BABAM2: variants seen among roughly 807,000 people sequenced by gnomAD.
The protein encoded by BABAM2 is BRISC and BRCA1 A complex member 2.
BABAM2 carries 31 observed loss-of-function variants against 54.7 expected under a neutral mutation model. That is an observed-to-expected ratio of 0.57 (90% CI 0.43 to 0.77). BABAM2 has a LOEUF of 0.77. BABAM2 is among the 30% of genes least tolerant of loss of function. BABAM2 has a pLI of 0.00. For missense variants in BABAM2, 364 were observed against 455.8 expected, an observed-to-expected ratio of 0.80 and a Z score of 1.83; for synonymous variants, 167 against 162.9, an observed-to-expected ratio of 1.03 and a Z score of -0.19.
intron 2 of BABAM2, among the ~76,000 whole-genome samples, chr2:27,926,092 T>C (rs1366291735): frequency 6.7e-6 from 1 of 148,902 alleles, no homozygotes; most frequent in Non-Finnish European, 1.5e-5. Flanking sequence ...TCTCTTGTGG[T>C]CTTTTTTTTT....
rs200937399 is a variant in BABAM2, at chr2:28,263,185, GATT to G, written c.934+18334_934+18336del. Reference sequence around the variant, plus strand: ...GGAAGGAGAGGAGGAGAGGGGAGGGGATTATTATTATTAATAATAATACCATTG... The same window carrying G: ...GGAAGGAGAGGAGGAGAGGGGAGGGGATTATTATTAATAATAATACCATTG... On this transcript the variant is annotated intron_variant, in intron 10 of 11. Coordinates refer to ENST00000379624, the MANE Select transcript of BABAM2 (RefSeq NM_199191.3). 5.7e-3 allele frequency among the ~76,000 whole-genome samples: 852 copies of G among 150,288 alleles called. 15 individuals carry two copies. Among genetic ancestry groups the G allele is most frequent in the African/African-American group, 0.02 (806 of 40,868 alleles).
At chr2:28,120,777 G>A (rs998430292) in intron 6 of BABAM2, among the ~76,000 whole-genome samples, 2 of 152,168 alleles carry the variant, frequency 1.3e-5, no homozygotes, top group African/African-American at 2.4e-5. Context: ...GCAACATGGG[G>A]AAAACTACCG....
chr2:28,201,724 A>C (rs1558431599), intron 7 of BABAM2, among the ~76,000 whole-genome samples: 1 of 152,218 alleles, frequency 6.6e-6, no homozygotes, highest in Non-Finnish European at 1.5e-5. Flanking sequence ...TCGTAGCCTC[A>C]ACTAATCCTC....
chr2:28,301,061 A>G (rs1353528771), intron 11 of BABAM2, among the ~76,000 whole-genome samples: 1 of 152,198 alleles, frequency 6.6e-6, no homozygotes, highest in Non-Finnish European at 1.5e-5. Context: ...AAGACAAAGG[A>G]TGGAAAGAGA....
chr2:28,232,353 G>C (rs1681489811), intron 7 of BABAM2, among the ~76,000 whole-genome samples: 1 of 152,186 alleles, frequency 6.6e-6, no homozygotes, highest in Admixed American at 6.5e-5. Flanking sequence ...CAAGCTTTCA[G>C]ACAGGCTGAC....
intron 10 of BABAM2, among the ~76,000 whole-genome samples, chr2:28,262,737 A>G (rs1013232882): frequency 5.9e-5 from 9 of 152,194 alleles, no homozygotes; most frequent in Non-Finnish European, 1.2e-4. Context: ...GAACATTCAC[A>G]TAGAACAAAG....
intron 7 of BABAM2, among the ~76,000 whole-genome samples, chr2:28,158,576 T>C (rs1038707941): frequency 2.0e-5 from 3 of 152,244 alleles, no homozygotes; most frequent in East Asian, 3.8e-4. Flanking sequence ...TCTGTTAGGA[T>C]TGGCAATATC....
At chr2:28,190,031 G>A (rs1025350448) in intron 7 of BABAM2, among the ~76,000 whole-genome samples, 19 of 152,264 alleles carry the variant, frequency 1.2e-4, no homozygotes, top group African/African-American at 4.6e-4. Context: ...TGCCCAGGTA[G>A]TTCAATAGAG....
At chr2:28,320,630 T>C (rs948940563) in intron 11 of BABAM2, among the ~76,000 whole-genome samples, 1 of 152,234 alleles carries the variant, frequency 6.6e-6, no homozygotes, top group Non-Finnish European at 1.5e-5. Flanking sequence ...TGGCCAGGCA[T>C]AGGTTGGCAG....
At chr2:28,080,682 GA>G (rs1665086055) in intron 6 of BABAM2, among the ~76,000 whole-genome samples, 2 of 152,120 alleles carry the variant, frequency 1.3e-5, no homozygotes, top group Non-Finnish European at 2.9e-5. Context: ...ATTTGAAAGA[GA>G]AAAGAAAACT....
chr2:28,080,952 C>T (rs1665111851), intron 6 of BABAM2, among the ~76,000 whole-genome samples: 1 of 152,130 alleles, frequency 6.6e-6, no homozygotes, highest in African/African-American at 2.4e-5. Flanking sequence ...CATTAAGAAC[C>T]TTCGTCTGGA....
intron 7 of BABAM2, among the ~76,000 whole-genome samples, chr2:28,161,411 A>G (rs1232106647): frequency 1.3e-5 from 2 of 152,104 alleles, no homozygotes; most frequent in African/African-American, 4.8e-5. Flanking sequence ...TGGGAGCAAG[A>G]GTTGGGTTGG....
At chr2:27,909,754 G>C (rs541972990) in intron 2 of BABAM2, among the ~76,000 whole-genome samples, 1 of 152,096 alleles carries the variant, frequency 6.6e-6, no homozygotes, top group South Asian at 2.1e-4. Flanking sequence ...CAATGCACCT[G>C]CTTCTCCCAT....
intron 4 of BABAM2, chr2:27,996,393 G>T (rs1185403404): frequency 6.5e-6 from 1 of 154,838 alleles, no homozygotes; most frequent in Non-Finnish European, 1.5e-5. Context: ...TTTTACTTGG[G>T]AGATTGGAGT....
rs1491342790 is a variant in BABAM2, at chr2:28,026,978, A to ATT, written c.495+1558_495+1559insTT. ...TATATAAATATATATATAAATATAT[A>ATT]AATATATATAAAAATATATAAATAT... On this transcript the variant is annotated intron_variant, in intron 5 of 11. Transcript: ENST00000379624. Among the ~76,000 whole-genome samples, 216 of 105,454 alleles carry ATT rather than the reference A, an allele frequency of 2.0e-3. 1 individual carries two copies. The highest frequency in any genetic ancestry group is 4.3e-3 in the South Asian group (16 of 3,694). The allele number at this position is 105,454 out of a possible 152,430, so 69.2% of individuals were successfully genotyped here.
chr2:28,301,800 A>C (rs1463298848), intron 11 of BABAM2, among the ~76,000 whole-genome samples: 3 of 152,144 alleles, frequency 2.0e-5, no homozygotes, highest in African/African-American at 7.2e-5. Flanking sequence ...TCACATCTTC[A>C]TATATATTTT....
At chr2:28,176,854 AAAAGAAG>A (rs1242273235) in intron 7 of BABAM2, among the ~76,000 whole-genome samples, 7 of 146,660 alleles carry the variant, frequency 4.8e-5, no homozygotes, top group Non-Finnish European at 1.1e-4. Flanking sequence ...AAAAAAAAAA[AAAAGAAG>A]AAGGAGAAGA....
At chr2:28,040,517 G>T (rs933373453) in intron 5 of BABAM2, among the ~76,000 whole-genome samples, 9 of 151,478 alleles carry the variant, frequency 5.9e-5, no homozygotes, top group Non-Finnish European at 2.9e-5. Context: ...AGCCGGGATG[G>T]TCTCGATCTC....
At chr2:28,068,627 A>G (rs1663840848) in intron 6 of BABAM2, among the ~76,000 whole-genome samples, 1 of 152,230 alleles carries the variant, frequency 6.6e-6, no homozygotes, top group South Asian at 2.1e-4. Flanking sequence ...TTATAACTAC[A>G]AAAGATTATG....
Sources: gnomAD v4.1 joint callset for allele counts (sites outside exome capture counted in the v4.1 genomes callset) on GRCh38, gnomAD v4.1.1 for gene constraint, MANE v1.5 for transcripts, NCBI Gene and HGNC (gene_info 2026-07-23, HGNC 2026-07-21) for gene names.